The following LINGO2 variants were observed in gnomAD, a reference collection of about 807,000 sequenced individuals.
LINGO2 encodes leucine-rich repeat and immunoglobulin-like domain-containing nogo receptor-interacting protein 2.
LINGO2 carries 14 observed loss-of-function variants against 30.6 expected under a neutral mutation model. The observed-to-expected ratio is 0.46, with a 90% CI of 0.30 to 0.72. The LOEUF (loss-of-function observed/expected upper bound fraction) is 0.72. LINGO2 is among the 30% of genes least tolerant of loss of function. LINGO2 has a pLI of 0.07. For missense variants in LINGO2, 729 were observed against 751.7 expected (o/e 0.97, Z 0.35); for synonymous variants, 317 against 288.5 (o/e 1.10, Z -1.00).
At position 28,329,526 on chromosome 9, in the gene LINGO2, T is replaced by TACA. The variant is rs1825345170; in HGVS notation, c.-245-34163_-245-34161dup. 6.6e-6 allele frequency among the ~76,000 whole-genome samples: 1 copy of TACA among 152,142 alleles called. No homozygotes were observed. Among genetic ancestry groups the TACA allele is most frequent in the African/African-American group, 2.4e-5 (1 of 41,426 alleles). On this transcript the variant is annotated intron_variant, in intron 3 of 5. Transcript: ENST00000379992. The surrounding 1 kb of genome is among the most constrained non-coding windows in gnomAD (Gnocchi z 4.5). ...AATGCTCATGATAATTGACTCCTGG[T>TACA]ACAACATGCATGTTCAGACTTGTTT...
At chr9:28,039,167 T>TA (rs150904807) in intron 4 of LINGO2, among the ~76,000 whole-genome samples, 1 of 152,246 alleles carries the variant, frequency 6.6e-6, no homozygotes, top group East Asian at 1.9e-4. Context: ...AAAACAAGTA[T>TA]AAGTAGGCCG....
rs146794159 is a variant in LINGO2, at chr9:28,644,265, A to C, written c.-365+25935T>G. On this transcript the variant is annotated intron_variant, in intron 1 of 5. Coordinates refer to ENST00000379992, the Ensembl canonical transcript of LINGO2. Reference sequence around the variant, plus strand: ...ACTCTCATGTTTGTTGCAGCTGTTCACAATAGCAAAGATTTGGAAGCACCC... The same window carrying C: ...ACTCTCATGTTTGTTGCAGCTGTTCCCAATAGCAAAGATTTGGAAGCACCC... Among the ~76,000 whole-genome samples, 213 of 152,252 alleles carry C rather than the reference A, an allele frequency of 1.4e-3. 2 individuals are homozygous for C. Among genetic ancestry groups the C allele is most frequent in the East Asian group, 6.4e-3 (33 of 5,172 alleles).
At chr9:28,547,386 C>A (rs533181198) in intron 1 of LINGO2, among the ~76,000 whole-genome samples, 11 of 152,188 alleles carry the variant, frequency 7.2e-5, no homozygotes, top group African/African-American at 2.4e-4. Flanking sequence ...GTTCCATTTG[C>A]ATCTCTCTGA....
chr9:28,851,361 T>C, the LINGO2 span, among the ~76,000 whole-genome samples: 1 of 152,062 alleles, frequency 6.6e-6, no homozygotes, highest in Non-Finnish European at 1.5e-5. Flanking sequence ...CTGAGCCAAG[T>C]CATTTCATAT....
At chr9:28,754,299 G>C in the LINGO2 span, among the ~76,000 whole-genome samples, 1 of 151,948 alleles carries the variant, frequency 6.6e-6, no homozygotes, top group East Asian at 1.9e-4. Context: ...CTTGCCAAAA[G>C]TCACTCATGT....
chr9:28,899,783 T>G, the LINGO2 span, among the ~76,000 whole-genome samples: 1 of 152,152 alleles, frequency 6.6e-6, no homozygotes, highest in Non-Finnish European at 1.5e-5. Flanking sequence ...CCATATCCAC[T>G]GACATGGACT....
At chr9:29,039,801 G>A in the LINGO2 span, among the ~76,000 whole-genome samples, 1 of 152,080 alleles carries the variant, frequency 6.6e-6, no homozygotes, top group Admixed American at 6.6e-5. Context: ...ATCCAAGATG[G>A]GTAATAGCCA....
intron 2 of LINGO2, among the ~76,000 whole-genome samples, chr9:28,402,056 A>G (rs1822291748): frequency 6.6e-6 from 1 of 152,194 alleles, no homozygotes. Flanking sequence ...AGGAAAGACT[A>G]GCTTTTTGGC....
At chr9:28,542,818 G>A (rs1169892024) in intron 1 of LINGO2, among the ~76,000 whole-genome samples, 1 of 151,990 alleles carries the variant, frequency 6.6e-6, no homozygotes, top group African/African-American at 2.4e-5. Context: ...TTATGCTGAG[G>A]TGAGTGAAAC....
chr9:29,012,135 A>C, the LINGO2 span, among the ~76,000 whole-genome samples: 1 of 152,124 alleles, frequency 6.6e-6, no homozygotes. Context: ...AGGCAGGCAG[A>C]TCACCTGAGG....
upstream of LINGO2, among the ~76,000 whole-genome samples, chr9:28,670,645 G>A (rs1258293844): frequency 6.6e-6 from 1 of 152,096 alleles, no homozygotes; most frequent in Non-Finnish European, 1.5e-5. Context: ...ATGATGCTAA[G>A]TTATAAGAAG....
intron 4 of LINGO2, among the ~76,000 whole-genome samples, chr9:28,166,729 T>C (rs1233825111): frequency 6.7e-6 from 1 of 149,614 alleles, no homozygotes; most frequent in Non-Finnish European, 1.5e-5. Flanking sequence ...ATTGATGATA[T>C]TTCCTTTTTT....
the LINGO2 span, among the ~76,000 whole-genome samples, chr9:28,766,466 A>G: frequency 1.3e-5 from 2 of 151,274 alleles, no homozygotes; most frequent in Non-Finnish European, 2.9e-5. Context: ...AAACCCTTGT[A>G]CACTGTTGGG....
At chr9:29,143,103 G>A in the LINGO2 span, among the ~76,000 whole-genome samples, 36 of 152,120 alleles carry the variant, frequency 2.4e-4, no homozygotes, top group African/African-American at 8.7e-4. Flanking sequence ...GTAAAGACTT[G>A]TACACTGAAA....
chr9:28,616,616 G>A lies in LINGO2; in HGVS notation c.-365+53584C>T, dbSNP rs1826141730. On this transcript the variant is annotated intron_variant, in intron 1 of 5. Coordinates refer to ENST00000379992, the Ensembl canonical transcript of LINGO2. ...CTCATAAACATCCTTTGCACATATAGAAATGTATTTCCCTGCCCTGATTAT... is the reference window on the plus strand; with the variant it reads ...CTCATAAACATCCTTTGCACATATAAAAATGTATTTCCCTGCCCTGATTAT... 1.3e-5 allele frequency among the ~76,000 whole-genome samples: 2 copies of A among 152,170 alleles called. 1 individual carries two copies. The highest frequency in any genetic ancestry group is 4.1e-4 in the South Asian group (2 of 4,830).
chr9:28,771,070 AC>A, the LINGO2 span, among the ~76,000 whole-genome samples: 1 of 152,148 alleles, frequency 6.6e-6, no homozygotes, highest in African/African-American at 2.4e-5. Context: ...TTGTCTAACT[AC>A]CTACTGGTCT....
chr9:28,593,576 T>C lies in LINGO2; in HGVS notation c.-365+76624A>G, dbSNP rs151112844. Among the ~76,000 whole-genome samples, 53 of 152,214 alleles carry C rather than the reference T, an allele frequency of 3.5e-4. 1 individual carries two copies. In the East Asian group the frequency reaches 9.9e-3, roughly 28 times the overall value. On this transcript the variant is annotated intron_variant, in intron 1 of 5. Transcript: ENST00000379992. Reference sequence around the variant, plus strand: ...AAGTTCCCCATAAAAGGTCTGACTATTGCTATTAGGTTTCATAAAATACTC... The same window carrying C: ...AAGTTCCCCATAAAAGGTCTGACTACTGCTATTAGGTTTCATAAAATACTC...
chr9:28,449,504 C>T (rs1254629451), intron 2 of LINGO2, among the ~76,000 whole-genome samples: 1 of 152,016 alleles, frequency 6.6e-6, no homozygotes, highest in South Asian at 2.1e-4. Context: ...AGTACTGCTA[C>T]TTAAAGTAGG....
At chr9:28,203,193 G>A (rs1022505448) in intron 4 of LINGO2, among the ~76,000 whole-genome samples, 2 of 152,170 alleles carry the variant, frequency 1.3e-5, no homozygotes, top group East Asian at 3.9e-4. Context: ...GATTTTAAAT[G>A]TCACTATAGT....
Sources: allele counts gnomAD v4.1 joint callset (sites outside exome capture counted in the v4.1 genomes callset), GRCh38; gene constraint gnomAD v4.1.1; non-coding constraint Gnocchi (gnomAD v3.1); transcripts MANE v1.5; gene names NCBI Gene and HGNC (gene_info 2026-07-23, HGNC 2026-07-21).